The following FBXO9 variants were observed in gnomAD, a reference collection of about 807,000 sequenced individuals.
The protein encoded by FBXO9 is F-box protein 9, also known as F-box only protein 9.
FBXO9 carries 43 observed loss-of-function variants against 63.7 expected under a neutral mutation model. That is an observed-to-expected ratio of 0.67 (90% CI 0.53 to 0.87). The LOEUF (loss-of-function observed/expected upper bound fraction) is 0.87. FBXO9 is among the 40% of genes least tolerant of loss of function. FBXO9 has a pLI of 0.00. For missense variants in FBXO9, 442 were observed against 533.2 expected (o/e 0.83, Z 1.68); for synonymous variants, 156 against 171.7 (o/e 0.91, Z 0.72).
intron 1 of FBXO9, among the ~76,000 whole-genome samples, chr6:53,068,659 T>TTG (rs1768801329): frequency 6.7e-6 from 1 of 149,374 alleles, no homozygotes; most frequent in Non-Finnish European, 1.5e-5. Context: ...TATGTGTTTT[T>TTG]TTTTTTTTTT....
chr6:53,081,127 T>C (rs1233059489), intron 6 of FBXO9, 29 bp downstream of exon 6: 5 of 1,591,960 alleles, frequency 3.1e-6, no homozygotes, highest in Non-Finnish European at 2.6e-6. Flanking sequence ...CATAACTCAG[T>C]GAGAAATATC....
In FBXO9 at chr6:53,097,793, T is replaced by G. The variant is rs1438952413; in HGVS notation, c.1277T>G (p.Val426Gly). ...TACACCCCCTTGTTCTTCGCCAGAG[T>G]AAGGAGCTACACAGCTTTCTCAGAA... ...KMYTPLFFAR[V>G]RSYTAFSERP... is the part of the protein sequence containing the mutation. Residue 426 changes from valine (V) to glycine (G), a missense_variant, in exon 13 of 13, where the codon GTA becomes GGA. Val to Gly is a moderately radical substitution (Grantham distance 109). Coordinates refer to ENST00000323557, the MANE Select transcript of FBXO9 (RefSeq NM_033480.3). The G allele has an allele frequency of 6.2e-7, 1 of 1,608,874 alleles. No homozygotes were observed. Among genetic ancestry groups the G allele is most frequent in the African/African-American group, 1.3e-5 (1 of 74,442 alleles).
At chr6:53,097,684 T>A in intron 12 of FBXO9, 38 bp from the exon 13 acceptor site, 1 of 1,228,646 alleles carries the variant, frequency 8.1e-7, no homozygotes, top group Non-Finnish European at 1.2e-6. Flanking sequence ...TGAATTGAAA[T>A]TTCCTCATAC....
At chr6:53,088,227 C>T (rs1416764315) in intron 7 of FBXO9, among the ~76,000 whole-genome samples, 2 of 152,028 alleles carry the variant, frequency 1.3e-5, no homozygotes, top group South Asian at 2.1e-4. Flanking sequence ...AATCTTGGTT[C>T]ACATGTCATA....
Position 53,095,633 on chromosome 6 carries a change from T to C in FBXO9, c.1174T>C (p.Trp392Arg). ...SGHQRFNKLI[W>R]IHHSCHITYK... ...TCACCAGAGGTTCAACAAACTCATCTGGATACATCATTCTTGTCACATTAC... is the reference window on the plus strand; with the variant it reads ...TCACCAGAGGTTCAACAAACTCATCCGGATACATCATTCTTGTCACATTAC... The change falls in exon 12 of 13, where the codon TGG becomes CGG. Residue 392 changes from tryptophan (W) to arginine (R), a missense_variant. Trp to Arg is a moderately radical substitution (Grantham distance 101). Transcript: ENST00000323557. 6.2e-7 allele frequency: 1 copy of C among 1,612,404 alleles called. No homozygotes were observed. Among genetic ancestry groups the C allele is most frequent in the Non-Finnish European group, 8.5e-7 (1 of 1,179,336 alleles).
chr6:53,069,554 A>AATC (rs1287991192), intron 1 of FBXO9, among the ~76,000 whole-genome samples: 5 of 152,250 alleles, frequency 3.3e-5, no homozygotes, highest in Admixed American at 2.6e-4. Context: ...AGCAGAATCT[A>AATC]ATCTAGCCTT....
chr6:53,076,765 T>C (rs1444693592), intron 4 of FBXO9, among the ~76,000 whole-genome samples: 1 of 149,894 alleles, frequency 6.7e-6, no homozygotes, highest in Non-Finnish European at 1.5e-5. Flanking sequence ...AACTTACTTA[T>C]TATGTAAATA....
chr6:53,090,724 A>G (rs1220429366), intron 7 of FBXO9, among the ~76,000 whole-genome samples: 1 of 152,204 alleles, frequency 6.6e-6, no homozygotes, highest in Non-Finnish European at 1.5e-5. Flanking sequence ...TCTGTCGCCC[A>G]GGCTGGAGTG....
chr6:53,084,806 A>G (rs972925357), intron 7 of FBXO9, among the ~76,000 whole-genome samples: 5 of 151,956 alleles, frequency 3.3e-5, no homozygotes, highest in East Asian at 1.9e-4. Context: ...TTTTTTTCCT[A>G]CATTGATCAT....
chr6:53,083,400 A>G lies in FBXO9; in HGVS notation c.653+782A>G, dbSNP rs530742658. Among the ~76,000 whole-genome samples, 4 of 152,328 alleles carry G rather than the reference A, an allele frequency of 2.6e-5. No individual in the cohort carries two copies. The East Asian group carries it at 7.7e-4, about 29-fold the overall frequency. On this transcript the variant is annotated intron_variant, in intron 7 of 12. Transcript: ENST00000323557. ...GTCTCTAGCACTGTTATGTCAACCT[A>G]AATAATAAGCAGATAGACTCTCTAA...
intron 3 of FBXO9, among the ~76,000 whole-genome samples, chr6:53,074,662 C>G (rs1769037253): frequency 6.6e-6 from 1 of 152,226 alleles, no homozygotes; most frequent in African/African-American, 2.4e-5. Context: ...GTCTGTTCTC[C>G]ATTTTGTAAT....
chr6:53,082,090 A>T (rs916198234), intron 6 of FBXO9, among the ~76,000 whole-genome samples: 3 of 152,110 alleles, frequency 2.0e-5, no homozygotes, highest in African/African-American at 7.2e-5. Flanking sequence ...AAATTCATGT[A>T]TTTTTAATAT....
In FBXO9 at chr6:53,100,860, T is replaced by C. The variant is rs374085959; in HGVS notation, c.*3030T>C. On this transcript the variant is annotated 3_prime_UTR_variant, in exon 13 of 13. Transcript: ENST00000323557. ...AGTGTAAACGTTTTTGGAATAAACATTCCTGTGGCTAAATCTTTGCATACT... is the reference window on the plus strand; with the variant it reads ...AGTGTAAACGTTTTTGGAATAAACACTCCTGTGGCTAAATCTTTGCATACT... 6.6e-6 allele frequency: 1 copy of C among 151,816 alleles called. No individual in the cohort carries two copies. The highest frequency in any genetic ancestry group is 2.4e-5 in the African/African-American group (1 of 41,088). 9.4% of individuals were successfully genotyped at this position (151,816 alleles called of 1,614,324 possible).
chr6:53,069,957 G>C (rs926024523), intron 1 of FBXO9, among the ~76,000 whole-genome samples: 1 of 146,904 alleles, frequency 6.8e-6, no homozygotes, highest in Non-Finnish European at 1.5e-5. Context: ...AAATACCAAA[G>C]ATGTTCTAAT....
rs1380270334 is a variant in FBXO9, at chr6:53,099,558, T to A, written c.*1728T>A. On this transcript the variant is annotated 3_prime_UTR_variant, in exon 13 of 13. Transcript: ENST00000323557. ...GAGTTTTAGACCAGCCTGGACAACATAGCAAGACCTCATCTCTTCTAAAAA... is the reference window on the plus strand; with the variant it reads ...GAGTTTTAGACCAGCCTGGACAACAAAGCAAGACCTCATCTCTTCTAAAAA... The A allele has an allele frequency of 2.0e-5, 3 of 150,882 alleles. No individual in the cohort carries two copies. The highest frequency in any genetic ancestry group is 2.9e-5 in the Non-Finnish European group (2 of 67,980). 9.3% of individuals were successfully genotyped at this position (150,882 alleles called of 1,614,324 possible).
At chr6:53,082,479 A>G in intron 6 of FBXO9, 25 bp from the exon 7 acceptor site, 1 of 1,485,790 alleles carries the variant, frequency 6.7e-7, no homozygotes, top group Non-Finnish European at 9.4e-7. Flanking sequence ...GAGGAGAGTC[A>G]CTGAAGGATG....
intron 1 of FBXO9, among the ~76,000 whole-genome samples, chr6:53,067,506 G>C (rs568945582): frequency 6.6e-6 from 1 of 152,266 alleles, no homozygotes; most frequent in East Asian, 1.9e-4. Context: ...AAATAGCTAA[G>C]TGAGGAAGAA....
intron 1 of FBXO9, 65 bp downstream of exon 1, chr6:53,065,857 G>A: frequency 7.9e-7 from 1 of 1,267,506 alleles, no homozygotes; most frequent in Non-Finnish European, 1.0e-6. Context: ...CAGAGGGGCC[G>A]GGCCTAGGGC....
intron 5 of FBXO9, 22 bp downstream of exon 5, chr6:53,078,920 T>G: frequency 6.5e-7 from 1 of 1,540,678 alleles, no homozygotes; most frequent in Non-Finnish European, 9.0e-7. Flanking sequence ...ATTTGATAGA[T>G]AGTAATGCAT....
Sources: gnomAD v4.1 joint callset for allele counts (sites outside exome capture counted in the v4.1 genomes callset) on GRCh38, gnomAD v4.1.1 for gene constraint, MANE v1.5 for transcripts, NCBI Gene and HGNC (gene_info 2026-07-23, HGNC 2026-07-21) for gene names.